KCNQ1: variants seen among roughly 807,000 people sequenced by gnomAD.
The protein encoded by KCNQ1 is potassium voltage-gated channel subfamily Q member 1.
A neutral mutation model predicts 72.4 loss-of-function variants in KCNQ1; 49 were observed. That is an observed-to-expected ratio of 0.68 (90% CI 0.54 to 0.86). The LOEUF (loss-of-function observed/expected upper bound fraction) is 0.86, where lower values mean the gene tolerates loss of function less well. Ranked by LOEUF, KCNQ1 falls within the 40% of genes least tolerant of loss-of-function variation. The pLI, the probability that KCNQ1 is intolerant of heterozygous loss-of-function variation, is 0.00. For synonymous variants in KCNQ1, 450 were observed against 412.6 expected, an observed-to-expected ratio of 1.09 and a Z score of -1.10; for missense variants, 790 against 945.1, an observed-to-expected ratio of 0.84 and a Z score of 2.15.
At chr11:2,758,627 C>T (rs994266316) in intron 11 of KCNQ1, among the ~76,000 whole-genome samples, 1 of 152,226 alleles carries the variant, frequency 6.6e-6, no homozygotes, top group Non-Finnish European at 1.5e-5. Context: ...AAGCTTTATT[C>T]CTAACTAGCT....
Position 2,736,665 on chromosome 11 carries a change from G to T in KCNQ1, c.1515-32179G>T, listed in dbSNP as rs185981391. The stretch of plus-strand genomic sequence containing the variant: ...CAAACCCCAACCTAGCCCCTTCCAG[G>T]TGTCCCTTGTGATCTTCCGCCACTG... On this transcript the variant is annotated intron_variant, in intron 11 of 15. Coordinates refer to ENST00000155840, the MANE Select transcript of KCNQ1 (RefSeq NM_000218.3). 8.1e-4 allele frequency among the ~76,000 whole-genome samples: 124 copies of T among 152,338 alleles called. No individual in the cohort carries two copies. In the East Asian group the frequency reaches 0.018, roughly 22 times the overall value.
rs1849257725 is a variant in KCNQ1 at position 2,626,091 on chromosome 11, T to G, written c.1394-35870T>G. 1 of 398,644 alleles carries G rather than the reference T, an allele frequency of 2.5e-6. No individual in the cohort carries two copies. 24.7% of individuals were successfully genotyped at this position (398,644 alleles called of 1,614,324 possible). A position where few individuals can be genotyped will look rare whatever the true frequency, so the allele number is the denominator to read the frequency against. On this transcript the variant is annotated intron_variant, in intron 10 of 15. Coordinates refer to ENST00000155840, the MANE Select transcript of KCNQ1 (RefSeq NM_000218.3). This position sits in a 1 kb window ranked among gnomAD's most constrained non-coding sequence, Gnocchi z 4.0. The stretch of plus-strand genomic sequence containing the variant: ...TGCCTGTGCAAGTACAATTTATCTA[T>G]TTTTACTTTTATTGCCTGTGCCTTT...
chr11:2,474,875 C>T (rs562536441), intron 1 of KCNQ1, among the ~76,000 whole-genome samples: 6 of 152,096 alleles, frequency 3.9e-5, no homozygotes, highest in Non-Finnish European at 7.4e-5. Context: ...AGCCCCACAT[C>T]GGGCCCTTTT....
chr11:2,519,881 T>C (rs1045826717), intron 1 of KCNQ1, among the ~76,000 whole-genome samples: 5 of 152,026 alleles, frequency 3.3e-5, no homozygotes, highest in African/African-American at 1.2e-4. Context: ...CGTGATTGCA[T>C]TATCCAGGGG....
At chr11:2,456,296 TCAAAA>T (rs1234297777) in intron 1 of KCNQ1, among the ~76,000 whole-genome samples, 1 of 145,650 alleles carries the variant, frequency 6.9e-6, no homozygotes, top group Non-Finnish European at 1.5e-5. Context: ...AAACTCTATC[TCAAAA>T]CAAAAAAAAA....
At position 2,583,461 on chromosome 11, in the gene KCNQ1, G is replaced by C. The variant is rs727505231; in HGVS notation, c.948G>C (p.Gly316=). Residue 316 remains glycine, a synonymous_variant, in exon 7 of 16, where the codon GGG becomes GGC. Transcript: ENST00000155840. ...GVVTVTTIGY[G]DKVPQTWVGK... ...TCACAGTCACCACCATCGGCTATGG[G>C]GACAAGGTGCCCCAGACGTGGGTCG... 20 of 1,613,824 alleles carry C rather than the reference G, an allele frequency of 1.2e-5. 1 individual carries two copies. In the Admixed American group the frequency reaches 1.3e-4, roughly 11 times the overall value.
rs900701026 is a variant in KCNQ1, at chr11:2,536,086, C to A, written c.477+8068C>A. 1.3e-5 allele frequency among the ~76,000 whole-genome samples: 2 copies of A among 152,200 alleles called. No homozygotes were observed. Among genetic ancestry groups the A allele is most frequent in the African/African-American group, 4.8e-5 (2 of 41,452 alleles). On this transcript the variant is annotated intron_variant, in intron 2 of 15. Coordinates refer to ENST00000155840, the MANE Select transcript of KCNQ1 (RefSeq NM_000218.3). The surrounding 1 kb of genome is among the most constrained non-coding windows in gnomAD (Gnocchi z 7.4). ...CGAGCACACCCGCTGCTGTCCCCAG[C>A]CACCCAGCCCCATGCACAGGCCACG...
Position 2,509,900 on chromosome 11 carries a change from G to A in KCNQ1, c.387-18028G>A, listed in dbSNP as rs935969820. Among the ~76,000 whole-genome samples, 6 of 152,162 alleles carry A rather than the reference G, an allele frequency of 3.9e-5. No homozygotes were observed. The highest frequency in any genetic ancestry group is 8.8e-5 in the Non-Finnish European group (6 of 68,020). ...CCCATGGAGGTGACAAGTGACAGCC[G>A]GGAACAGACCCACTGCCAGGGCTGC... On this transcript the variant is annotated intron_variant, in intron 1 of 15. Transcript: ENST00000155840. The surrounding 1 kb of genome is among the most constrained non-coding windows in gnomAD (Gnocchi z 6.3).
At chr11:2,832,538 C>A (rs1366612274) in intron 15 of KCNQ1, among the ~76,000 whole-genome samples, 1 of 152,214 alleles carries the variant, frequency 6.6e-6, no homozygotes, top group Non-Finnish European at 1.5e-5. Context: ...GGACGCAGTC[C>A]CCGCCCATGC....
intron 1 of KCNQ1, among the ~76,000 whole-genome samples, chr11:2,466,060 T>A (rs1229588939): frequency 1.3e-5 from 2 of 152,202 alleles, no homozygotes; most frequent in Non-Finnish European, 2.9e-5. Flanking sequence ...CATTGCTTCT[T>A]CCTGTCCTAG....
chr11:2,607,610 C>G (rs1475798498), intron 10 of KCNQ1, among the ~76,000 whole-genome samples: 1 of 152,180 alleles, frequency 6.6e-6, no homozygotes, highest in Non-Finnish European at 1.5e-5. Flanking sequence ...AGTGCCTTGA[C>G]CTTGGACTTC....
chr11:2,588,616 G>A lies in KCNQ1; in HGVS notation c.1252-97G>A, dbSNP rs897782646. The A allele has an allele frequency of 6.8e-7, 1 of 1,475,028 alleles. No homozygotes were observed. The highest frequency in any genetic ancestry group is 9.4e-7 in the Non-Finnish European group (1 of 1,068,326). 91.4% of individuals were successfully genotyped at this position (1,475,028 alleles called of 1,614,324 possible). On this transcript the variant is annotated intron_variant, in intron 9 of 15. Coordinates refer to ENST00000155840, the MANE Select transcript of KCNQ1 (RefSeq NM_000218.3). The surrounding 1 kb of genome is among the most constrained non-coding windows in gnomAD (Gnocchi z 5.6). ...CCCTGTCCGGGTGTATGTGGCGGGG[G>A]CTGGGCTCGGGGCGGCTGCACAGGC...
intron 2 of KCNQ1, among the ~76,000 whole-genome samples, chr11:2,570,292 G>C (rs995124724): frequency 4.9e-5 from 5 of 102,170 alleles, no homozygotes; most frequent in African/African-American, 1.2e-4. Flanking sequence ...GGCGTCGGAC[G>C]CCCTCTGGCC....
rs1849229693 is a variant in KCNQ1 at position 2,624,436 on chromosome 11, C to G, written c.1393+35582C>G. ...TTATTTTTAACAAAGTCTAGCTTAT[C>G]AATTATTTCTTTCATGAATCATGCC... On this transcript the variant is annotated intron_variant, in intron 10 of 15. Transcript: ENST00000155840. The surrounding 1 kb of genome is among the most constrained non-coding windows in gnomAD (Gnocchi z 4.9). 1 of 398,416 alleles carries G rather than the reference C, an allele frequency of 2.5e-6. No individual in the cohort carries two copies. The highest frequency in any genetic ancestry group is 4.4e-5 in the Admixed American group (1 of 22,726). The allele number at this position is 398,416 out of a possible 1,614,324, so 24.7% of individuals were successfully genotyped here.
At chr11:2,485,873 C>T (rs960197051) in intron 1 of KCNQ1, among the ~76,000 whole-genome samples, 21 of 152,174 alleles carry the variant, frequency 1.4e-4, no homozygotes, top group Admixed American at 1.2e-3. Flanking sequence ...TCAGAATTTC[C>T]TTTTCCTTTT....
chr11:2,467,306 G>A (rs1310069995), intron 1 of KCNQ1, among the ~76,000 whole-genome samples: 1 of 152,210 alleles, frequency 6.6e-6, no homozygotes, highest in Non-Finnish European at 1.5e-5. Flanking sequence ...GGAGGCAGGG[G>A]CCCAGGAGGA....
intron 15 of KCNQ1, among the ~76,000 whole-genome samples, chr11:2,835,694 G>A (rs1848049185): frequency 6.6e-6 from 1 of 152,172 alleles, no homozygotes. Context: ...GCATGCTGGG[G>A]CAGGGGTGTC....
rs2133843846 is a variant in KCNQ1 at position 2,651,927 on chromosome 11, A to C, written c.1394-10034A>C. The C allele has an allele frequency of 2.5e-6, 1 of 398,568 alleles. No homozygotes were observed. The highest frequency in any genetic ancestry group is 2.1e-5 in the African/African-American group (1 of 48,700). The allele number at this position is 398,568 out of a possible 1,614,324, so 24.7% of individuals were successfully genotyped here. The stretch of plus-strand genomic sequence containing the variant: ...CTCTGGGGCCGCTTGCTCTCCTCCT[A>C]CTCACAGCCCTCCTGCAGCCAGCAG... On this transcript the variant is annotated intron_variant, in intron 10 of 15. Transcript: ENST00000155840. This position sits in a 1 kb window ranked among gnomAD's most constrained non-coding sequence, Gnocchi z 6.1.
chr11:2,556,778 T>C (rs1468723674), intron 2 of KCNQ1, among the ~76,000 whole-genome samples: 3 of 152,170 alleles, frequency 2.0e-5, no homozygotes, highest in African/African-American at 7.2e-5. Context: ...GGACACTGTC[T>C]TTAGAGAGTA....
Sources: gnomAD v4.1 joint callset for allele counts (sites outside exome capture counted in the v4.1 genomes callset) on GRCh38, gnomAD v4.1.1 for gene constraint, Gnocchi (gnomAD v3.1) non-coding constraint, MANE v1.5 for transcripts, NCBI Gene and HGNC (gene_info 2026-07-23, HGNC 2026-07-21) for gene names.